Variants in TOM1L2 observed in about 807,000 individuals in gnomAD.
TOM1L2 encodes the protein target of myb1 like 2 membrane trafficking protein.
TOM1L2 carries 31 observed loss-of-function variants against 67.9 expected under a neutral mutation model. That is an observed-to-expected ratio of 0.46 (90% CI 0.34 to 0.62). TOM1L2 has a LOEUF of 0.62. Ranked by LOEUF, TOM1L2 falls within the 20% of genes least tolerant of loss-of-function variation. The probability of loss-of-function intolerance (pLI) is 0.01; values close to 1 mark genes in which losing one functional copy is unlikely to be tolerated. For missense variants in TOM1L2, 606 were observed against 663.5 expected (o/e 0.91, Z 0.95); for synonymous variants, 256 against 254.0 (o/e 1.01, Z -0.07).
chr17:17,917,562 T>C (rs968988358), intron 1 of TOM1L2, among the ~76,000 whole-genome samples: 17 of 146,118 alleles, frequency 1.2e-4, no homozygotes, highest in East Asian at 4.2e-4. Flanking sequence ...GCCTTCCAAG[T>C]AGCTGGGAAT....
At chr17:17,937,330 G>C (rs1186956181) in intron 1 of TOM1L2, among the ~76,000 whole-genome samples, 1 of 152,148 alleles carries the variant, frequency 6.6e-6, no homozygotes, top group Non-Finnish European at 1.5e-5. Context: ...TCTTTGATCA[G>C]AGTCAACCAA....
intron 14 of TOM1L2, 24 bp downstream of exon 14, chr17:17,848,799 G>A: frequency 6.2e-7 from 1 of 1,613,742 alleles, no homozygotes; most frequent in Non-Finnish European, 8.5e-7. Flanking sequence ...AAAGGGGGCT[G>A]TAAGGCCACT....
At chr17:17,894,370 T>G (rs780714535) in intron 3 of TOM1L2, among the ~76,000 whole-genome samples, 1 of 152,246 alleles carries the variant, frequency 6.6e-6, no homozygotes, top group Non-Finnish European at 1.5e-5. Flanking sequence ...GGACCTCAGC[T>G]GCCAGGTGAC....
chr17:17,850,619 G>A (rs1244932329), intron 13 of TOM1L2, among the ~76,000 whole-genome samples: 1 of 152,234 alleles, frequency 6.6e-6, no homozygotes, highest in Non-Finnish European at 1.5e-5. Flanking sequence ...GTGTTTTGGA[G>A]CCAGCTACGG....
intron 7 of TOM1L2, 97 bp from the exon 8 acceptor site, chr17:17,869,570 A>T: frequency 6.8e-7 from 1 of 1,462,166 alleles, no homozygotes; most frequent in Non-Finnish European, 9.0e-7. Context: ...TAAAAGTCAC[A>T]AAAGGAGTAC....
intron 3 of TOM1L2, 92 bp downstream of exon 3, chr17:17,898,504 A>T: frequency 7.6e-7 from 1 of 1,309,314 alleles, no homozygotes; most frequent in Non-Finnish European, 1.1e-6. Flanking sequence ...AGGTTGTGCT[A>T]AGTGGGCAGA....
At chr17:17,913,258 C>CGGGAGAGGGAGA (rs796284800) in intron 1 of TOM1L2, among the ~76,000 whole-genome samples, 1 of 143,354 alleles carries the variant, frequency 7.0e-6, no homozygotes, top group East Asian at 2.1e-4. Context: ...CGTGGGGAGA[C>CGGGAGAGGGAGA]GGGAGAGGGA....
At chr17:17,949,481 C>T (rs560045473) in intron 1 of TOM1L2, among the ~76,000 whole-genome samples, 5 of 152,326 alleles carry the variant, frequency 3.3e-5, no homozygotes, top group Admixed American at 6.5e-5. Flanking sequence ...CACCCCACTC[C>T]GATGCTACAA....
At position 17,866,280 on chromosome 17, in the gene TOM1L2, C is replaced by T. The variant is rs1482116179; in HGVS notation, c.1084+16G>A. 1 of 1,607,136 alleles carries T rather than the reference C, an allele frequency of 6.2e-7. No individual in the cohort carries two copies. The highest frequency in any genetic ancestry group is 8.5e-7 in the Non-Finnish European group (1 of 1,177,020). On this transcript the variant is annotated intron_variant, in intron 10 of 14. Transcript: ENST00000379504. ...TAGGAAGTAGGTAGGCCCTTTTGTC[C>T]CTGTGAGACACTCACCTAAGCCTGC...
Position 17,942,766 on chromosome 17 carries a change from C to A in TOM1L2, c.52+29496G>T, listed in dbSNP as rs183043553. 7.0e-3 allele frequency among the ~76,000 whole-genome samples: 1,067 copies of A among 152,232 alleles called. 8 individuals are homozygous for A. Among genetic ancestry groups the A allele is most frequent in the South Asian group, 0.013 (61 of 4,822 alleles). On this transcript the variant is annotated intron_variant, in intron 1 of 14. Coordinates refer to ENST00000379504, the MANE Select transcript of TOM1L2 (RefSeq NM_001082968.2). ...ATGGTACTATAAGCAGTCACATCAG[C>A]ACGGTAGTTAGTATAGAAAAGGAAG...
At chr17:17,934,479 G>C (rs2040443689) in intron 1 of TOM1L2, among the ~76,000 whole-genome samples, 1 of 152,112 alleles carries the variant, frequency 6.6e-6, no homozygotes, top group East Asian at 1.9e-4. Context: ...TATATACCTA[G>C]GCAAAGGAAC....
At chr17:17,965,865 A>G (rs996944321) in intron 1 of TOM1L2, among the ~76,000 whole-genome samples, 1 of 152,204 alleles carries the variant, frequency 6.6e-6, no homozygotes, top group Non-Finnish European at 1.5e-5. Context: ...TCACACCTGT[A>G]ATCCCAGCAC....
At chr17:17,921,975 T>C (rs1460421158) in intron 1 of TOM1L2, among the ~76,000 whole-genome samples, 1 of 152,086 alleles carries the variant, frequency 6.6e-6, no homozygotes, top group Non-Finnish European at 1.5e-5. Context: ...CTTCTCCCGA[T>C]GACAGAGACA....
At chr17:17,864,752 T>C (rs947760740) in intron 10 of TOM1L2, among the ~76,000 whole-genome samples, 2 of 152,186 alleles carry the variant, frequency 1.3e-5, no homozygotes, top group African/African-American at 4.8e-5. Context: ...CTTCAGGTGA[T>C]CCACCTGCCG....
chr17:17,923,832 T>C (rs939987126), intron 1 of TOM1L2, among the ~76,000 whole-genome samples: 3 of 151,632 alleles, frequency 2.0e-5, no homozygotes, highest in African/African-American at 7.3e-5. Flanking sequence ...GAGCAAGAAC[T>C]TGTGTCTAAA....
intron 7 of TOM1L2, among the ~76,000 whole-genome samples, chr17:17,874,024 C>T (rs1035306329): frequency 1.3e-5 from 2 of 151,716 alleles, no homozygotes; most frequent in Non-Finnish European, 2.9e-5. Context: ...GGCACAATCT[C>T]GGCTCACTGC....
intron 2 of TOM1L2, among the ~76,000 whole-genome samples, chr17:17,904,582 C>T (rs2039003483): frequency 1.3e-5 from 2 of 152,028 alleles, no homozygotes; most frequent in Admixed American, 1.3e-4. Flanking sequence ...CCCCTGAAGG[C>T]TTGTTAGCAA....
chr17:17,889,160 T>C (rs941987598), intron 4 of TOM1L2, among the ~76,000 whole-genome samples: 8 of 151,524 alleles, frequency 5.3e-5, no homozygotes, highest in Non-Finnish European at 7.4e-5. Context: ...TTTTGGCGGG[T>C]TGAGGGGGAT....
intron 1 of TOM1L2, among the ~76,000 whole-genome samples, chr17:17,963,571 T>A (rs1419160266): frequency 2.6e-5 from 4 of 152,222 alleles, no homozygotes; most frequent in African/African-American, 4.8e-5. Context: ...GAGAAAAAAA[T>A]TTTTAAATGA....
Sources: allele counts gnomAD v4.1 joint callset (sites outside exome capture counted in the v4.1 genomes callset), GRCh38; gene constraint gnomAD v4.1.1; transcripts MANE v1.5; gene names NCBI Gene and HGNC (gene_info 2026-07-23, HGNC 2026-07-21).